Variants in GAD2 observed in about 807,000 individuals in gnomAD.
GAD2 encodes the protein 65 kDa glutamic acid decarboxylase.
Under a neutral mutation model 80.1 loss-of-function variants are expected in GAD2, and 22 were observed. That is an observed-to-expected ratio of 0.27 (90% CI 0.20 to 0.39). The LOEUF is 0.39. Among genes scored for constraint, GAD2 ranks in the 10% least tolerant of loss-of-function variants. The pLI, the probability that GAD2 is intolerant of heterozygous loss-of-function variation, is 1.00. For synonymous variants in GAD2, 274 were observed against 256.9 expected, an observed-to-expected ratio of 1.07 and a Z score of -0.64; for missense variants, 624 against 738.4, an observed-to-expected ratio of 0.85 and a Z score of 1.80.
At chr10:26,245,784 T>C in intron 7 of GAD2, 137 bp from the exon 8 acceptor site, 2 of 680,340 alleles carry the variant, frequency 2.9e-6, no homozygotes, top group South Asian at 4.0e-5. Flanking sequence ...AAGGATGCCA[T>C]CTTCTCTCAG....
At chr10:26,220,385 A>T (rs1844438235) in intron 4 of GAD2, among the ~76,000 whole-genome samples, 1 of 152,214 alleles carries the variant, frequency 6.6e-6, no homozygotes, top group Non-Finnish European at 1.5e-5. Flanking sequence ...AATAACAAAC[A>T]TTCTTAAAAT....
chr10:26,288,231 C>G (rs1417749641), intron 13 of GAD2, among the ~76,000 whole-genome samples: 2 of 152,158 alleles, frequency 1.3e-5, no homozygotes, highest in Non-Finnish European at 2.9e-5. Context: ...GAAGAAATAA[C>G]TCTTTAGTGG....
At chr10:26,222,153 T>C (rs1371520189) in intron 4 of GAD2, among the ~76,000 whole-genome samples, 1 of 151,962 alleles carries the variant, frequency 6.6e-6, no homozygotes, top group African/African-American at 2.4e-5. Context: ...AAAATATATA[T>C]AGGGAGGAAG....
In GAD2 at chr10:26,234,581, C is replaced by G. The variant is rs189846267; in HGVS notation, c.840+4804C>G. Among the ~76,000 whole-genome samples the G allele has an allele frequency of 4.0e-4, 61 of 152,272 alleles. 1 individual carries two copies. In the East Asian group the frequency reaches 9.5e-3, roughly 24 times the overall value. ...AGGATAGGCTCTGGAATCAGACAAA[C>G]ACAGGTTGAAATGTTTGGTTTTATC... On this transcript the variant is annotated intron_variant, in intron 7 of 15. Coordinates refer to ENST00000376261, the MANE Select transcript of GAD2 (RefSeq NM_001134366.2).
chr10:26,288,309 C>A (rs1427043980), intron 13 of GAD2, among the ~76,000 whole-genome samples: 6 of 152,168 alleles, frequency 3.9e-5, no homozygotes, highest in Admixed American at 3.9e-4. Context: ...TCCAGCTGAA[C>A]TTTTTACATG....
At position 26,217,657 on chromosome 10, in the gene GAD2, A is replaced by C. The variant is rs375835846; in HGVS notation, c.124A>C (p.Asn42His). ...VAQKFTGGIGNKLCALLYGDA... is the reference protein window; with the variant it reads ...VAQKFTGGIGHKLCALLYGDA... ...TCAGAAGTTCACGGGCGGCATCGGAAACAAACTGTGCGGTGAGTGCCCAGG... is the reference window on the plus strand; with the variant it reads ...TCAGAAGTTCACGGGCGGCATCGGACACAAACTGTGCGGTGAGTGCCCAGG... The change falls in exon 2 of 16, where the codon AAC becomes CAC. Residue 42 changes from asparagine (N) to histidine (H), a missense_variant. By Grantham distance (68) the Asn-to-His change is moderately conservative. Coordinates refer to ENST00000376261, the MANE Select transcript of GAD2 (RefSeq NM_001134366.2). The surrounding 1 kb of genome is among the most constrained non-coding windows in gnomAD (Gnocchi z 4.9). The C allele has an allele frequency of 6.2e-6, 10 of 1,613,606 alleles. No individual in the cohort carries two copies. The Admixed American group carries it at 8.3e-5, about 13-fold the overall frequency.
chr10:26,236,331 A>T (rs1844671765), intron 7 of GAD2, among the ~76,000 whole-genome samples: 1 of 135,042 alleles, frequency 7.4e-6, no homozygotes, highest in South Asian at 2.3e-4. Flanking sequence ...ATGGAGTCTC[A>T]CTCTTGTCGT....
Position 26,217,507 on chromosome 10 carries a change from C to T in GAD2, c.77-103C>T. On this transcript the variant is annotated intron_variant, in intron 1 of 15. Coordinates refer to ENST00000376261, the MANE Select transcript of GAD2 (RefSeq NM_001134366.2). The surrounding 1 kb of genome is among the most constrained non-coding windows in gnomAD (Gnocchi z 4.9). ...GCCCCCAGGAGGAAGGCGGCCCCTC[C>T]TAGGACCCCGGACTGATTGATTTTC... The T allele has an allele frequency of 7.7e-6, 10 of 1,293,084 alleles. No homozygotes were observed. The South Asian group carries it at 1.3e-4, about 17-fold the overall frequency. The allele number at this position is 1,293,084 out of a possible 1,614,324, so 80.1% of individuals were successfully genotyped here.
intron 6 of GAD2, among the ~76,000 whole-genome samples, chr10:26,227,744 G>A (rs557707967): frequency 4.6e-5 from 7 of 152,300 alleles, no homozygotes; most frequent in Non-Finnish European, 1.0e-4. Context: ...ATGTCAGGAA[G>A]TGCCAAAACC....
intron 10 of GAD2, among the ~76,000 whole-genome samples, chr10:26,272,621 T>C (rs775636322): frequency 6.6e-5 from 10 of 152,170 alleles, no homozygotes; most frequent in Non-Finnish European, 1.5e-4. Flanking sequence ...CCCAGCACTT[T>C]GGGAGGCTGA....
At position 26,302,964 on chromosome 10, in the gene GAD2, G is replaced by A. The variant is rs1834343261; in HGVS notation, c.*2003G>A. ...TTCCTTTCTCAAAACTGCCTGCTGA[G>A]AATAAGCACATAGCTGCCCGACTAT... On this transcript the variant is annotated 3_prime_UTR_variant, in exon 16 of 16. Coordinates refer to ENST00000376261, the MANE Select transcript of GAD2 (RefSeq NM_001134366.2). The A allele has an allele frequency of 6.6e-6, 1 of 152,170 alleles. No homozygotes were observed. The highest frequency in any genetic ancestry group is 1.5e-5 in the Non-Finnish European group (1 of 68,042). The allele number at this position is 152,170 out of a possible 1,614,324, so 9.4% of individuals were successfully genotyped here.
intron 13 of GAD2, among the ~76,000 whole-genome samples, chr10:26,288,183 AAAG>A: frequency 6.6e-6 from 1 of 152,310 alleles, no homozygotes; most frequent in African/African-American, 2.4e-5. Flanking sequence ...ATTCTGGCAA[AAAG>A]ATGCAGTTTA....
At chr10:26,266,916 C>T (rs1288163604) in intron 8 of GAD2, among the ~76,000 whole-genome samples, 3 of 152,026 alleles carry the variant, frequency 2.0e-5, no homozygotes, top group African/African-American at 7.2e-5. Context: ...TGAGTTACTC[C>T]CTGGACTTTT....
chr10:26,286,272 T>G, intron 12 of GAD2, 73 bp from the exon 13 acceptor site: 2 of 1,326,710 alleles, frequency 1.5e-6, no homozygotes. Flanking sequence ...TTCTTTTTTC[T>G]TATTAATTTT....
chr10:26,239,689 C>T (rs1055757606), intron 7 of GAD2, among the ~76,000 whole-genome samples: 2 of 152,136 alleles, frequency 1.3e-5, no homozygotes, highest in Middle Eastern at 3.2e-3. Flanking sequence ...AGCTACTTTA[C>T]AGGATGGTCA....
At chr10:26,226,587 G>A (rs1004915966) in intron 6 of GAD2, among the ~76,000 whole-genome samples, 1 of 152,150 alleles carries the variant, frequency 6.6e-6, no homozygotes, top group African/African-American at 2.4e-5. Context: ...TGCTATTCCC[G>A]GGAGCAACCA....
At chr10:26,280,763 C>T (rs1281860096) in intron 11 of GAD2, among the ~76,000 whole-genome samples, 2 of 152,084 alleles carry the variant, frequency 1.3e-5, no homozygotes, top group Admixed American at 6.5e-5. Context: ...CTATTGAGTA[C>T]AGTGGTCACT....
chr10:26,245,187 A>G (rs1432249091), intron 7 of GAD2, among the ~76,000 whole-genome samples: 2 of 150,678 alleles, frequency 1.3e-5, no homozygotes, highest in Non-Finnish European at 3.0e-5. Flanking sequence ...GAAAAAAGTT[A>G]ATAATGCACA....
intron 7 of GAD2, among the ~76,000 whole-genome samples, chr10:26,231,652 T>C (rs1844602786): frequency 6.6e-6 from 1 of 152,210 alleles, no homozygotes; most frequent in Non-Finnish European, 1.5e-5. Context: ...ACAAACTTTG[T>C]GGCTTACAAC....
Sources: gnomAD v4.1 joint callset for allele counts (sites outside exome capture counted in the v4.1 genomes callset) on GRCh38, gnomAD v4.1.1 for gene constraint, Gnocchi (gnomAD v3.1) non-coding constraint, MANE v1.5 for transcripts, NCBI Gene and HGNC (gene_info 2026-07-23, HGNC 2026-07-21) for gene names.